Variants in RREB1 observed in about 807,000 individuals in gnomAD.
RREB1 encodes ras-responsive element-binding protein 1.
Under a neutral mutation model 117.8 loss-of-function variants are expected in RREB1, and 27 were observed. That is an observed-to-expected ratio of 0.23 (90% CI 0.17 to 0.32). The LOEUF is 0.32. Ranked by LOEUF, RREB1 falls within the 10% of genes least tolerant of loss-of-function variation. RREB1 has a pLI of 1.00. For synonymous variants in RREB1, 1,298 were observed against 1,026.7 expected, an observed-to-expected ratio of 1.26 and a Z score of -5.05; for missense variants, 2,577 against 2,378.2, an observed-to-expected ratio of 1.08 and a Z score of -1.74.
chr6:7,164,867 C>A (rs1048169964), intron 1 of RREB1, among the ~76,000 whole-genome samples: 1 of 152,246 alleles, frequency 6.6e-6, no homozygotes, highest in African/African-American at 2.4e-5. Context: ...ACATGGTGTT[C>A]TGCTTTCAGT....
At chr6:7,178,617 G>A (rs1423135021) in intron 2 of RREB1, among the ~76,000 whole-genome samples, 2 of 152,222 alleles carry the variant, frequency 1.3e-5, no homozygotes, top group Admixed American at 1.3e-4. Flanking sequence ...ACAGCCCAAG[G>A]GGCTGGTTGT....
intron 2 of RREB1, among the ~76,000 whole-genome samples, chr6:7,177,696 GCTT>G (rs1764573987): frequency 2.6e-5 from 4 of 151,780 alleles, no homozygotes; most frequent in Admixed American, 1.3e-4. Context: ...ACCATACCTG[GCTT>G]CTTTTTTCTT....
intron 8 of RREB1, 135 bp from the exon 9 acceptor site, chr6:7,226,332 A>G: frequency 1.5e-6 from 1 of 646,892 alleles, no homozygotes; most frequent in Non-Finnish European, 2.6e-6. Flanking sequence ...GCTTCTTGAC[A>G]TCATATCATT....
chr6:7,137,837 C>T (rs1156500273), intron 1 of RREB1, among the ~76,000 whole-genome samples: 1 of 152,066 alleles, frequency 6.6e-6, no homozygotes, highest in Non-Finnish European at 1.5e-5. Context: ...AGTCTCTTGC[C>T]TGGTGGTAGG....
chr6:7,216,681 G>A (rs1335935378), intron 8 of RREB1: 1 of 152,268 alleles, frequency 6.6e-6, no homozygotes, highest in African/African-American at 2.4e-5. Context: ...CTTGTCAAAT[G>A]TCATCCTAAA....
At chr6:7,244,410 G>A (rs1456305960) in intron 11 of RREB1, among the ~76,000 whole-genome samples, 1 of 152,090 alleles carries the variant, frequency 6.6e-6, no homozygotes, top group Admixed American at 6.5e-5. Context: ...CTGACTCTAG[G>A]GAGGGAAATT....
chr6:7,130,502 A>G (rs1762108077), intron 1 of RREB1, among the ~76,000 whole-genome samples: 1 of 152,152 alleles, frequency 6.6e-6, no homozygotes, highest in Non-Finnish European at 1.5e-5. Context: ...TCTTGGGGGC[A>G]TAGTGTTCTT....
intron 1 of RREB1, among the ~76,000 whole-genome samples, chr6:7,151,308 G>A (rs1224367005): frequency 6.6e-6 from 1 of 152,196 alleles, no homozygotes. Flanking sequence ...ATTTAAGGTT[G>A]TTGGAGGATT....
At chr6:7,126,035 T>G (rs182653409) in intron 1 of RREB1, among the ~76,000 whole-genome samples, 1 of 151,486 alleles carries the variant, frequency 6.6e-6, no homozygotes, top group Non-Finnish European at 1.5e-5. Flanking sequence ...GGAGTCTTGC[T>G]CTGTCGCCCA....
At chr6:7,154,443 G>GGACT (rs1763265772) in intron 1 of RREB1, among the ~76,000 whole-genome samples, 1 of 152,342 alleles carries the variant, frequency 6.6e-6, no homozygotes, top group Admixed American at 6.5e-5. Context: ...GGGACGTGAA[G>GGACT]GACTAATAGA....
intron 8 of RREB1, chr6:7,216,373 G>GA (rs1766900958): frequency 6.6e-6 from 1 of 152,126 alleles, no homozygotes; most frequent in South Asian, 2.1e-4. Context: ...GGGCCCAACC[G>GA]GGTCTGGTAC....
chr6:7,242,584 G>A (rs1033368240), intron 11 of RREB1, among the ~76,000 whole-genome samples: 4 of 152,068 alleles, frequency 2.6e-5, no homozygotes, highest in Non-Finnish European at 5.9e-5. Context: ...TGATTTCAAG[G>A]AGGATTTTAA....
At chr6:7,204,933 A>G (rs1766185756) in intron 6 of RREB1, among the ~76,000 whole-genome samples, 1 of 152,146 alleles carries the variant, frequency 6.6e-6, no homozygotes, top group Non-Finnish European at 1.5e-5. Flanking sequence ...TTCCCAAAGG[A>G]TTTTGCCCCC....
At chr6:7,144,116 A>C (rs1762755028) in intron 1 of RREB1, among the ~76,000 whole-genome samples, 3 of 151,682 alleles carry the variant, frequency 2.0e-5, no homozygotes, top group Admixed American at 1.3e-4. Flanking sequence ...TTTTCCTTTA[A>C]ATTGGGTTGA....
At chr6:7,155,968 G>A (rs1217113918) in intron 1 of RREB1, among the ~76,000 whole-genome samples, 1 of 152,240 alleles carries the variant, frequency 6.6e-6, no homozygotes, top group Non-Finnish European at 1.5e-5. Flanking sequence ...ACTCTAGGTA[G>A]AAGATAAAGA....
intron 1 of RREB1, among the ~76,000 whole-genome samples, chr6:7,108,349 C>A (rs922442667): frequency 1.3e-5 from 2 of 152,026 alleles, no homozygotes; most frequent in South Asian, 2.1e-4. Flanking sequence ...CCCCTTCCTC[C>A]GCTCTTTTCC....
chr6:7,145,999 C>A (rs186999444), intron 1 of RREB1, among the ~76,000 whole-genome samples: 95 of 151,926 alleles, frequency 6.3e-4, no homozygotes, highest in Non-Finnish European at 7.9e-4. Flanking sequence ...TTCCCTACCC[C>A]CTACGCCACC....
At chr6:7,166,319 A>G (rs184600088) in intron 1 of RREB1, among the ~76,000 whole-genome samples, 8 of 152,362 alleles carry the variant, frequency 5.3e-5, no homozygotes, top group African/African-American at 1.9e-4. Context: ...ACTTTAAGAA[A>G]ACCCATTTGC....
At chr6:7,168,984 T>C (rs1182315677) in intron 1 of RREB1, among the ~76,000 whole-genome samples, 1 of 152,254 alleles carries the variant, frequency 6.6e-6, no homozygotes, top group Non-Finnish European at 1.5e-5. Context: ...GCATAGAGTT[T>C]ATGTCACAAG....
Sources: gnomAD v4.1 joint callset for allele counts (sites outside exome capture counted in the v4.1 genomes callset) on GRCh38, gnomAD v4.1.1 for gene constraint, MANE v1.5 for transcripts, NCBI Gene and HGNC (gene_info 2026-07-23, HGNC 2026-07-21) for gene names.